KCNU1: variants seen among roughly 807,000 people sequenced by gnomAD.
The protein encoded by KCNU1 is potassium calcium-activated channel subfamily U member 1.
A neutral mutation model predicts 126.8 loss-of-function variants in KCNU1; 93 were observed. That is an observed-to-expected ratio of 0.73 (90% CI 0.62 to 0.87). KCNU1 has a LOEUF of 0.87. KCNU1 is among the 40% of genes least tolerant of loss of function. The pLI is 0.00. For synonymous variants in KCNU1, 523 were observed against 494.2 expected (o/e 1.06, Z -0.77); for missense variants, 1,330 against 1,367.1 (o/e 0.97, Z 0.43).
intron 10 of KCNU1, among the ~76,000 whole-genome samples, chr8:36,817,982 A>G (rs1441626281): frequency 6.6e-6 from 1 of 152,198 alleles, no homozygotes. Flanking sequence ...ATATGATTTA[A>G]GTGATTATCA....
At position 36,817,636 on chromosome 8, in the gene KCNU1, T is replaced by A. The variant is rs1257005234; in HGVS notation, c.996-14T>A. On this transcript the variant is annotated splice_polypyrimidine_tract_variant and intron_variant, in intron 9 of 26. Coordinates refer to ENST00000399881, the MANE Select transcript of KCNU1 (RefSeq NM_001031836.3). ...TGCCTCGGATGATCCACCTCACCTGTTTTTGCTGCCTAGGTTTATTGTGGT... is the reference window on the plus strand; with the variant it reads ...TGCCTCGGATGATCCACCTCACCTGATTTTGCTGCCTAGGTTTATTGTGGT... 2 of 1,496,270 alleles carry A rather than the reference T, an allele frequency of 1.3e-6. No homozygotes were observed. Among genetic ancestry groups the A allele is most frequent in the South Asian group, 2.3e-5 (2 of 88,290 alleles). The allele number at this position is 1,496,270 out of a possible 1,614,324, so 92.7% of individuals were successfully genotyped here. A position where few individuals can be genotyped will look rare whatever the true frequency, so the allele number is the denominator to read the frequency against.
intron 2 of KCNU1, among the ~76,000 whole-genome samples, chr8:36,802,794 T>C (rs1054103170): frequency 4.6e-5 from 7 of 152,202 alleles, no homozygotes; most frequent in African/African-American, 1.7e-4. Flanking sequence ...ACATATCAGA[T>C]GATTTGCATA....
intron 10 of KCNU1, among the ~76,000 whole-genome samples, chr8:36,829,801 G>A (rs1413794379): frequency 1.3e-5 from 2 of 151,142 alleles, no homozygotes; most frequent in African/African-American, 4.8e-5. Flanking sequence ...CCTGAATAAT[G>A]TGGTATAATT....
At chr8:36,920,221 G>A (rs1268213794) in intron 23 of KCNU1, among the ~76,000 whole-genome samples, 3 of 152,028 alleles carry the variant, frequency 2.0e-5, no homozygotes, top group Non-Finnish European at 4.4e-5. Flanking sequence ...TCTACTTCCT[G>A]CAGACACCAA....
intron 19 of KCNU1, among the ~76,000 whole-genome samples, chr8:36,905,037 A>T (rs1807568825): frequency 6.6e-6 from 1 of 152,128 alleles, no homozygotes; most frequent in African/African-American, 2.4e-5. Flanking sequence ...CCTTAGGATG[A>T]AAGTGGGATT....
chr8:36,800,019 C>T (rs1803246695), intron 2 of KCNU1, among the ~76,000 whole-genome samples: 1 of 152,050 alleles, frequency 6.6e-6, no homozygotes, highest in African/African-American at 2.4e-5. Context: ...CTTATCATTC[C>T]TTCTGATTGT....
chr8:36,831,019 T>G (rs1167611014), intron 10 of KCNU1, among the ~76,000 whole-genome samples: 3 of 151,474 alleles, frequency 2.0e-5, no homozygotes, highest in African/African-American at 7.3e-5. Flanking sequence ...TTTGGTTTTT[T>G]GTTCTTGCGA....
chr8:36,817,342 A>T (rs896222271), intron 9 of KCNU1, among the ~76,000 whole-genome samples: 1 of 151,904 alleles, frequency 6.6e-6, no homozygotes. Context: ...TACTAAAAAA[A>T]TACAAAATTA....
intron 6 of KCNU1, among the ~76,000 whole-genome samples, chr8:36,807,998 T>A (rs887857745): frequency 4.7e-4 from 71 of 152,308 alleles, no homozygotes; most frequent in African/African-American, 1.7e-3. Flanking sequence ...TTTGAGCAGT[T>A]TGGTCTGTTA....
chr8:36,799,066 C>G (rs1274026088), intron 2 of KCNU1, among the ~76,000 whole-genome samples: 3 of 152,306 alleles, frequency 2.0e-5, no homozygotes, highest in East Asian at 3.9e-4. Flanking sequence ...GGTGCAGAAG[C>G]TCACAGTTAG....
intron 10 of KCNU1, among the ~76,000 whole-genome samples, chr8:36,828,329 C>A (rs1804400489): frequency 6.6e-6 from 1 of 152,154 alleles, no homozygotes; most frequent in African/African-American, 2.4e-5. Context: ...ATGAACTCAC[C>A]ACCAAGGTCA....
intron 19 of KCNU1, among the ~76,000 whole-genome samples, chr8:36,891,000 A>G (rs549335902): frequency 6.6e-6 from 1 of 151,710 alleles, no homozygotes; most frequent in African/African-American, 2.4e-5. Context: ...TATTATTACA[A>G]CCTCTGTATT....
chr8:36,859,634 A>G (rs1284711822), intron 18 of KCNU1, among the ~76,000 whole-genome samples: 3 of 152,118 alleles, frequency 2.0e-5, no homozygotes, highest in Non-Finnish European at 4.4e-5. Context: ...TTTTTTGATT[A>G]CTTCCATTTT....
At chr8:36,870,260 A>G (rs961865003) in intron 19 of KCNU1, among the ~76,000 whole-genome samples, 1 of 152,176 alleles carries the variant, frequency 6.6e-6, no homozygotes, top group African/African-American at 2.4e-5. Flanking sequence ...AAGAGGTTCA[A>G]TCCAACTGGG....
intron 23 of KCNU1, 124 bp downstream of exon 23, chr8:36,919,021 T>C (rs1808234133): frequency 1.5e-6 from 1 of 676,218 alleles, no homozygotes; most frequent in Middle Eastern, 2.5e-4. Flanking sequence ...CTCAGAGCTT[T>C]AAGTGCTTGC....
At chr8:36,873,491 A>C (rs1806176326) in intron 19 of KCNU1, among the ~76,000 whole-genome samples, 1 of 152,238 alleles carries the variant, frequency 6.6e-6, no homozygotes, top group Non-Finnish European at 1.5e-5. Flanking sequence ...ACAATTATTT[A>C]TACGTTTTAA....
At chr8:36,888,390 TCCCCC>T in intron 19 of KCNU1, 1 of 361,764 alleles carries the variant, frequency 2.8e-6, no homozygotes, top group South Asian at 2.1e-5. Flanking sequence ...CACTCCTCCC[TCCCCC>T]ACAACACCAC....
Position 36,833,541 on chromosome 8 carries a change from C to G in KCNU1, c.1107-13C>G. On this transcript the variant is annotated splice_polypyrimidine_tract_variant and intron_variant, in intron 10 of 26. Coordinates refer to ENST00000399881, the MANE Select transcript of KCNU1 (RefSeq NM_001031836.3). ...TTTTTTCCCTCATTGCTGCCACGTT[C>G]TTTTTTGTCCAGAACCCCTCCTTCT... The G allele has an allele frequency of 1.3e-6, 2 of 1,539,406 alleles. No homozygotes were observed. The highest frequency in any genetic ancestry group is 1.7e-5 in the Admixed American group (1 of 59,756).
chr8:36,853,037 C>T (rs1805407446), intron 18 of KCNU1, among the ~76,000 whole-genome samples: 2 of 152,120 alleles, frequency 1.3e-5, no homozygotes, highest in African/African-American at 2.4e-5. Context: ...TCAGATTTCT[C>T]CTTTCTTTAA....
Sources: gnomAD v4.1 joint callset for allele counts (sites outside exome capture counted in the v4.1 genomes callset) on GRCh38, gnomAD v4.1.1 for gene constraint, MANE v1.5 for transcripts, NCBI Gene and HGNC (gene_info 2026-07-23, HGNC 2026-07-21) for gene names.